Variants in ARHGAP15 observed in about 807,000 individuals in gnomAD.
The protein encoded by ARHGAP15 is rho GTPase-activating protein 15.
A neutral mutation model predicts 63.7 loss-of-function variants in ARHGAP15; 51 were observed. That is an observed-to-expected ratio of 0.80 (90% CI 0.64 to 1.01). ARHGAP15 has a LOEUF of 1.01. Among genes scored for constraint, ARHGAP15 ranks in the 50% least tolerant of loss-of-function variants. ARHGAP15 has a pLI of 0.00. For synonymous variants in ARHGAP15, 191 were observed against 193.8 expected, an observed-to-expected ratio of 0.99 and a Z score of 0.12; for missense variants, 560 against 564.6, an observed-to-expected ratio of 0.99 and a Z score of 0.08.
At chr2:143,688,428 C>T (rs1266186016) in intron 12 of ARHGAP15, among the ~76,000 whole-genome samples, 2 of 152,196 alleles carry the variant, frequency 1.3e-5, no homozygotes, top group African/African-American at 4.8e-5. Context: ...CCAGAGCTTT[C>T]ACCTGAACCA....
At chr2:143,238,108 G>C (rs1693724124) in intron 5 of ARHGAP15, 1 of 152,028 alleles carries the variant, frequency 6.6e-6, no homozygotes, top group Non-Finnish European at 1.5e-5. Context: ...TGAAATCTAG[G>C]CAATACCATT....
intron 6 of ARHGAP15, among the ~76,000 whole-genome samples, chr2:143,301,846 G>A (rs1337806209): frequency 1.3e-5 from 2 of 151,386 alleles, no homozygotes; most frequent in African/African-American, 4.9e-5. Context: ...ACATATATAT[G>A]GGGACAACAT....
chr2:143,673,758 G>GTGTATATA (rs1553520615), intron 12 of ARHGAP15, among the ~76,000 whole-genome samples: 26 of 22,124 alleles, frequency 1.2e-3, no homozygotes, highest in African/African-American at 2.0e-3. Context: ...GTGTGTGTGT[G>GTGTATATA]TATATATATA....
At chr2:143,370,094 C>A (rs970705298) in intron 6 of ARHGAP15, among the ~76,000 whole-genome samples, 2 of 152,098 alleles carry the variant, frequency 1.3e-5, no homozygotes, top group African/African-American at 4.8e-5. Context: ...AGAACTACAT[C>A]ATTTTATGTA....
intron 6 of ARHGAP15, among the ~76,000 whole-genome samples, chr2:143,330,095 A>T (rs1684445266): frequency 1.8e-5 from 1 of 54,578 alleles, no homozygotes; most frequent in African/African-American, 7.5e-5. Context: ...GCTCTGTCTC[A>T]AAAAAAAAAA....
intron 11 of ARHGAP15, among the ~76,000 whole-genome samples, chr2:143,580,410 T>C (rs1011437925): frequency 6.6e-6 from 1 of 152,162 alleles, no homozygotes; most frequent in Admixed American, 6.6e-5. Context: ...ACGAATCTTA[T>C]GCTCCTGCAG....
intron 12 of ARHGAP15, among the ~76,000 whole-genome samples, chr2:143,659,113 C>G (rs1165217754): frequency 6.6e-6 from 1 of 152,192 alleles, no homozygotes; most frequent in Non-Finnish European, 1.5e-5. Flanking sequence ...GCTCATGCAA[C>G]CTCATACAGC....
intron 5 of ARHGAP15, among the ~76,000 whole-genome samples, chr2:143,229,803 G>A (rs553444120): frequency 1.3e-5 from 2 of 152,286 alleles, no homozygotes; most frequent in South Asian, 4.1e-4. Context: ...TTTCTTAAAA[G>A]AAGATTTTAG....
rs1437920786 is a variant in ARHGAP15, at chr2:143,665,292, T to C, written c.1139-38127T>C. ...GCAAATCAATAAATGTAATCCAGCA[T>C]ATAAACAGAGCCAAAGACAAAAACC... On this transcript the variant is annotated intron_variant, in intron 12 of 13. Transcript: ENST00000295095. Among the ~76,000 whole-genome samples the C allele has an allele frequency of 6.8e-4, 71 of 105,084 alleles. No homozygotes were observed. The East Asian group carries it at 0.017, about 25-fold the overall frequency. The allele number at this position is 105,084 out of a possible 152,430, so 68.9% of individuals were successfully genotyped here.
At chr2:143,743,072 T>G (rs752871651) in intron 13 of ARHGAP15, among the ~76,000 whole-genome samples, 37 of 152,074 alleles carry the variant, frequency 2.4e-4, no homozygotes, top group Non-Finnish European at 3.7e-4. Flanking sequence ...GAGCGGCGAC[T>G]GAGGAAAAAG....
At chr2:143,388,122 G>C (rs1336731626) in intron 6 of ARHGAP15, among the ~76,000 whole-genome samples, 1 of 152,130 alleles carries the variant, frequency 6.6e-6, no homozygotes, top group African/African-American at 2.4e-5. Context: ...TGACAGTTAA[G>C]TGAGGTACTT....
intron 12 of ARHGAP15, among the ~76,000 whole-genome samples, chr2:143,650,091 T>C (rs543315002): frequency 6.6e-6 from 1 of 151,952 alleles, no homozygotes; most frequent in East Asian, 1.9e-4. Flanking sequence ...AAGTAGTCAA[T>C]TTTTTCCCTG....
At chr2:143,526,525 C>T (rs1003535366) in intron 10 of ARHGAP15, among the ~76,000 whole-genome samples, 1 of 152,148 alleles carries the variant, frequency 6.6e-6, no homozygotes, top group Non-Finnish European at 1.5e-5. Flanking sequence ...TGCAACACCT[C>T]AACTTACCAA....
chr2:143,466,005 G>A (rs941656269), intron 8 of ARHGAP15, among the ~76,000 whole-genome samples: 2 of 151,964 alleles, frequency 1.3e-5, no homozygotes, highest in African/African-American at 2.4e-5. Flanking sequence ...GAACAGTGAT[G>A]GTTTACAATG....
At chr2:143,157,086 C>CA (rs1432044895) in intron 2 of ARHGAP15, among the ~76,000 whole-genome samples, 4 of 151,894 alleles carry the variant, frequency 2.6e-5, no homozygotes, top group Non-Finnish European at 5.9e-5. Flanking sequence ...CATGAGACTG[C>CA]AAAAGGAATT....
intron 12 of ARHGAP15, 58 bp downstream of exon 12, chr2:143,624,325 A>G (rs1389799764): frequency 6.6e-7 from 1 of 1,522,746 alleles, no homozygotes; most frequent in Non-Finnish European, 8.9e-7. Flanking sequence ...TGGAATTATT[A>G]AGTAAATAAT....
intron 3 of ARHGAP15, among the ~76,000 whole-genome samples, chr2:143,209,039 T>C (rs1692465031): frequency 6.6e-6 from 1 of 152,070 alleles, no homozygotes; most frequent in South Asian, 2.1e-4. Flanking sequence ...CCAGATATCA[T>C]TTTGTGGATT....
intron 8 of ARHGAP15, among the ~76,000 whole-genome samples, chr2:143,452,218 T>G (rs982845549): frequency 1.3e-5 from 2 of 152,016 alleles, no homozygotes; most frequent in African/African-American, 4.8e-5. Flanking sequence ...TTGGGAGGAA[T>G]GCGGAAGAAA....
chr2:143,579,591 G>A (rs532416690), intron 11 of ARHGAP15, among the ~76,000 whole-genome samples: 9 of 152,066 alleles, frequency 5.9e-5, no homozygotes, highest in Admixed American at 4.6e-4. Flanking sequence ...AGGGGAGCTC[G>A]TCCAAAAAGA....
Sources: gnomAD v4.1 joint callset for allele counts (sites outside exome capture counted in the v4.1 genomes callset) on GRCh38, gnomAD v4.1.1 for gene constraint, MANE v1.5 for transcripts, NCBI Gene and HGNC (gene_info 2026-07-23, HGNC 2026-07-21) for gene names.